COMMD10: variants seen among roughly 807,000 people sequenced by gnomAD.
COMMD10 encodes COMM domain containing 10.
Under a neutral mutation model 28.9 loss-of-function variants are expected in COMMD10, and 33 were observed. The ratio of observed to expected loss-of-function variants is 1.14; its 90% CI spans 0.87 to 1.53. The LOEUF (loss-of-function observed/expected upper bound fraction) is 1.53, where lower values mean the gene tolerates loss of function less well. Ranked by LOEUF, COMMD10 falls within the 40% of genes most tolerant of loss-of-function variation. The pLI is 0.00. For synonymous variants in COMMD10, 110 were observed against 81.7 expected, an observed-to-expected ratio of 1.35 and a Z score of -1.87; for missense variants, 310 against 233.4, an observed-to-expected ratio of 1.33 and a Z score of -2.14.
At position 116,293,094 on chromosome 5, in the gene COMMD10, C is replaced by T. The variant is rs1247024383; in HGVS notation, c.*605C>T. 1 of 396,464 alleles carries T rather than the reference C, an allele frequency of 2.5e-6. No individual in the cohort carries two copies. Among genetic ancestry groups the T allele is most frequent in the African/African-American group, 2.1e-5 (1 of 48,482 alleles). 24.6% of individuals were successfully genotyped at this position (396,464 alleles called of 1,614,324 possible). On this transcript the variant is annotated 3_prime_UTR_variant, in exon 7 of 7. Coordinates refer to ENST00000274458, the MANE Select transcript of COMMD10 (RefSeq NM_016144.4). Reference sequence around the variant, plus strand: ...TCAGTTTAATGATTTAATAATAGTCCAGGTTTTTGTGTGTTTTTCTTTATA... The same window carrying T: ...TCAGTTTAATGATTTAATAATAGTCTAGGTTTTTGTGTGTTTTTCTTTATA...
intron 5 of COMMD10, among the ~76,000 whole-genome samples, chr5:116,233,881 A>G (rs1444721843): frequency 6.6e-6 from 1 of 152,174 alleles, no homozygotes; most frequent in African/African-American, 2.4e-5. Flanking sequence ...ATGGGAAGCT[A>G]TTTGAGGAAT....
intron 5 of COMMD10, among the ~76,000 whole-genome samples, chr5:116,221,576 C>G (rs770360375): frequency 6.6e-6 from 1 of 152,072 alleles, no homozygotes; most frequent in Non-Finnish European, 1.5e-5. Flanking sequence ...TTCAAGATCT[C>G]TTAGAAATGC....
intron 5 of COMMD10, among the ~76,000 whole-genome samples, chr5:116,233,725 A>T (rs1253064111): frequency 6.6e-6 from 1 of 152,146 alleles, no homozygotes; most frequent in Non-Finnish European, 1.5e-5. Flanking sequence ...CCCTGAGAAG[A>T]AAGTGAGCTT....
At chr5:116,200,519 T>C (rs1421306915) in intron 5 of COMMD10, among the ~76,000 whole-genome samples, 1 of 152,020 alleles carries the variant, frequency 6.6e-6, no homozygotes, top group Non-Finnish European at 1.5e-5. Context: ...TTTTTTCCTG[T>C]TCTTTTCTCT....
chr5:116,186,704 A>G (rs1748148960), intron 5 of COMMD10, among the ~76,000 whole-genome samples: 1 of 152,076 alleles, frequency 6.6e-6, no homozygotes, highest in Non-Finnish European at 1.5e-5. Flanking sequence ...TGGAGAGGGG[A>G]GCTCAAGAAA....
At chr5:116,117,172 T>A (rs1303265552) in intron 4 of COMMD10, among the ~76,000 whole-genome samples, 3 of 152,242 alleles carry the variant, frequency 2.0e-5, no homozygotes, top group Non-Finnish European at 4.4e-5. Flanking sequence ...TCTGTATTTC[T>A]GTTCATGTAT....
chr5:116,137,723 T>C (rs1267712988), intron 5 of COMMD10, among the ~76,000 whole-genome samples: 16 of 152,012 alleles, frequency 1.1e-4, no homozygotes, highest in Non-Finnish European at 1.5e-5. Flanking sequence ...TTTTAATTGC[T>C]ATCACACTGG....
At chr5:116,254,314 C>G (rs375598124) in intron 5 of COMMD10, among the ~76,000 whole-genome samples, 2 of 151,944 alleles carry the variant, frequency 1.3e-5, no homozygotes, top group Admixed American at 6.6e-5. Flanking sequence ...CTGCTCTGAT[C>G]TTAGTTATTT....
intron 5 of COMMD10, among the ~76,000 whole-genome samples, chr5:116,285,567 T>C (rs1033613326): frequency 2.0e-5 from 3 of 152,018 alleles, no homozygotes; most frequent in African/African-American, 7.3e-5. Context: ...GCAATGATTA[T>C]GACAGACATA....
At chr5:116,203,731 C>T (rs192629080) in intron 5 of COMMD10, among the ~76,000 whole-genome samples, 1,784 of 151,990 alleles carry the variant, frequency 0.012, 36 homozygotes, top group African/African-American at 0.039. Context: ...AAAAGAGCTC[C>T]TGAAGGAAGC....
At chr5:116,188,613 C>A (rs1230073137) in intron 5 of COMMD10, 1 of 142,956 alleles carries the variant, frequency 7.0e-6, no homozygotes, top group Non-Finnish European at 1.5e-5. Context: ...TTCCTTCCTT[C>A]CTTCCTTCTT....
In COMMD10 at chr5:116,250,646, TAGG is replaced by T. The variant is rs377293385; in HGVS notation, c.511-40868_511-40866del. 2.1e-3 allele frequency among the ~76,000 whole-genome samples: 324 copies of T among 151,796 alleles called. 3 individuals carry two copies. The highest frequency in any genetic ancestry group is 7.4e-3 in the African/African-American group (306 of 41,390). On this transcript the variant is annotated intron_variant, in intron 5 of 6. Transcript: ENST00000274458. ...ACTTGGTATGTTTTCAAGAAATTAC[TAGG>T]AGAAGGAAAAATGGGAATGAGCTAA...
At chr5:116,211,537 G>A (rs1748963627) in intron 5 of COMMD10, among the ~76,000 whole-genome samples, 1 of 152,034 alleles carries the variant, frequency 6.6e-6, no homozygotes, top group Non-Finnish European at 1.5e-5. Context: ...CATTGTATGT[G>A]CAGTTCATCA....
intron 5 of COMMD10, among the ~76,000 whole-genome samples, chr5:116,143,159 T>C (rs1372239481): frequency 6.6e-6 from 1 of 150,636 alleles, no homozygotes; most frequent in African/African-American, 2.4e-5. Context: ...ATCATATGTA[T>C]ATAATTTCTG....
At chr5:116,127,007 A>C (rs188207731) in intron 4 of COMMD10, among the ~76,000 whole-genome samples, 2 of 152,228 alleles carry the variant, frequency 1.3e-5, no homozygotes, top group Non-Finnish European at 2.9e-5. Flanking sequence ...AATAGGAGAA[A>C]ATTTTTACAA....
At chr5:116,116,820 GC>G (rs1751256111) in intron 4 of COMMD10, among the ~76,000 whole-genome samples, 1 of 150,590 alleles carries the variant, frequency 6.6e-6, no homozygotes, top group Admixed American at 6.7e-5. Context: ...CCGGGTTCAC[GC>G]CATTCTCCTG....
At chr5:116,275,482 G>A (rs568182397) in intron 5 of COMMD10, among the ~76,000 whole-genome samples, 15 of 151,882 alleles carry the variant, frequency 9.9e-5, no homozygotes, top group Non-Finnish European at 2.2e-4. Context: ...TTAGGGCAAA[G>A]TATGTCATTT....
At chr5:116,169,729 G>A (rs1239838521) in intron 5 of COMMD10, among the ~76,000 whole-genome samples, 3 of 152,120 alleles carry the variant, frequency 2.0e-5, no homozygotes, top group African/African-American at 7.2e-5. Context: ...CAGAACCAAT[G>A]ACAAAAACCA....
chr5:116,117,066 A>T (rs1393478024), intron 4 of COMMD10, among the ~76,000 whole-genome samples: 1 of 152,184 alleles, frequency 6.6e-6, no homozygotes, highest in Non-Finnish European at 1.5e-5. Context: ...TGTCACTCAA[A>T]ATAATTTTTT....
Sources: gnomAD v4.1 joint callset for allele counts (sites outside exome capture counted in the v4.1 genomes callset) on GRCh38, gnomAD v4.1.1 for gene constraint, MANE v1.5 for transcripts, NCBI Gene and HGNC (gene_info 2026-07-23, HGNC 2026-07-21) for gene names.